The following TOX variants were observed in gnomAD, a reference collection of about 807,000 sequenced individuals.
TOX encodes the protein thymocyte selection associated high mobility group box.
Under a neutral mutation model 53.7 loss-of-function variants are expected in TOX, and 11 were observed. The ratio of observed to expected loss-of-function variants is 0.20; its 90% CI spans 0.13 to 0.34. The LOEUF (loss-of-function observed/expected upper bound fraction) is 0.34. Among genes scored for constraint, TOX ranks in the 10% least tolerant of loss-of-function variants. The pLI is 1.00. For synonymous variants in TOX, 225 were observed against 245.3 expected, an observed-to-expected ratio of 0.92 and a Z score of 0.77; for missense variants, 570 against 664.6, an observed-to-expected ratio of 0.86 and a Z score of 1.56.
At chr8:58,871,148 T>C (rs1223221177) in intron 3 of TOX, among the ~76,000 whole-genome samples, 1 of 135,232 alleles carries the variant, frequency 7.4e-6, no homozygotes, top group Non-Finnish European at 1.6e-5. Context: ...TTAAAATGCA[T>C]ACTGCTGATT....
chr8:59,038,886 C>T (rs973271398), intron 1 of TOX, among the ~76,000 whole-genome samples: 7 of 152,250 alleles, frequency 4.6e-5, no homozygotes, highest in African/African-American at 1.2e-4. Context: ...GCGTCCTGCT[C>T]TCCTGCAGCC....
chr8:58,974,079 T>A lies in TOX; in HGVS notation c.103-14071A>T, dbSNP rs867141794. On this transcript the variant is annotated intron_variant, in intron 1 of 8. Transcript: ENST00000361421. Reference sequence around the variant, plus strand: ...TCCCAAAGTGCTGTAATTACGAGTGTGAGCCACTGTGCCTCACCTGGAAGT... The same window carrying A: ...TCCCAAAGTGCTGTAATTACGAGTGAGAGCCACTGTGCCTCACCTGGAAGT... Among the ~76,000 whole-genome samples, 113 of 152,320 alleles carry A rather than the reference T, an allele frequency of 7.4e-4. No individual in the cohort carries two copies. The Middle Eastern group carries it at 0.01, about 14-fold the overall frequency.
chr8:59,012,211 A>T (rs1813919245), intron 1 of TOX, among the ~76,000 whole-genome samples: 2 of 152,168 alleles, frequency 1.3e-5, no homozygotes, highest in South Asian at 4.1e-4. Flanking sequence ...TCACCAATCT[A>T]ATATTTGGAG....
At chr8:59,019,003 G>A (rs538234505) in intron 1 of TOX, among the ~76,000 whole-genome samples, 5 of 152,154 alleles carry the variant, frequency 3.3e-5, no homozygotes, top group South Asian at 2.1e-4. Flanking sequence ...TGTAGCCTGG[G>A]TAATCACTAT....
chr8:58,972,725 A>G (rs1180437432), intron 1 of TOX, among the ~76,000 whole-genome samples: 1 of 152,192 alleles, frequency 6.6e-6, no homozygotes, highest in Non-Finnish European at 1.5e-5. Context: ...AAATTATGTA[A>G]TCTCTTCTGT....
intron 1 of TOX, among the ~76,000 whole-genome samples, chr8:58,963,306 GATAT>G (rs74274681): frequency 0.025 from 3,236 of 131,674 alleles, 64 homozygotes; most frequent in African/African-American, 0.064. Context: ...TAGATAGATA[GATAT>G]ATATATAGAT....
intron 1 of TOX, among the ~76,000 whole-genome samples, chr8:59,095,252 T>C (rs78947874): frequency 0.1 from 15,693 of 152,194 alleles, 1,320 homozygotes; most frequent in African/African-American, 0.23. Flanking sequence ...TGTTTTTTTT[T>C]TCCATAGGAA....
chr8:58,856,596 G>GT lies in TOX; in HGVS notation c.412-4792dup, dbSNP rs1011621586. Among the ~76,000 whole-genome samples the GT allele has an allele frequency of 6.8e-4, 103 of 152,218 alleles. 1 individual carries two copies. Among genetic ancestry groups the GT allele is most frequent in the African/African-American group, 2.4e-3 (100 of 41,540 alleles). On this transcript the variant is annotated intron_variant, in intron 3 of 8. Coordinates refer to ENST00000361421, the MANE Select transcript of TOX (RefSeq NM_014729.3). ...ACCCTCCTACACTCATTTTCCTTTT[G>GT]TGCTGAAAAATGGGCCCCTCTAGCT...
At chr8:58,955,220 C>T (rs72651329) in intron 2 of TOX, among the ~76,000 whole-genome samples, 4 of 151,780 alleles carry the variant, frequency 2.6e-5, no homozygotes, top group East Asian at 1.9e-4. Flanking sequence ...TGCTGGGGGT[C>T]GGGAGAGAGA....
chr8:59,047,374 G>A (rs1293601327), intron 1 of TOX, among the ~76,000 whole-genome samples: 2 of 151,232 alleles, frequency 1.3e-5, no homozygotes, highest in Non-Finnish European at 3.0e-5. Context: ...CCGCCACCAC[G>A]CCCAGCTAAT....
chr8:58,820,764 T>A (rs1452404150), intron 6 of TOX, among the ~76,000 whole-genome samples: 1 of 152,198 alleles, frequency 6.6e-6, no homozygotes, highest in Non-Finnish European at 1.5e-5. Flanking sequence ...GTTTCAAAAA[T>A]TTTTTGAACT....
chr8:59,025,702 C>G (rs1467118849), intron 1 of TOX, among the ~76,000 whole-genome samples: 1 of 152,150 alleles, frequency 6.6e-6, no homozygotes, highest in Non-Finnish European at 1.5e-5. Context: ...ACTCAGAGGT[C>G]ACCTTCTCAA....
intron 1 of TOX, among the ~76,000 whole-genome samples, chr8:59,054,914 GAGAAAGAAAGAAA>G (rs1803862220): frequency 1.8e-5 from 2 of 113,958 alleles, no homozygotes; most frequent in Admixed American, 1.3e-4. Context: ...AAGAAAGAAA[GAGAAAGAAAGAAA>G]GAAAAAGAAA....
intron 7 of TOX, among the ~76,000 whole-genome samples, chr8:58,811,179 T>C (rs1406732798): frequency 1.3e-5 from 2 of 152,200 alleles, no homozygotes; most frequent in African/African-American, 4.8e-5. Flanking sequence ...TCAGTAAATA[T>C]TGATTATTGG....
chr8:58,915,921 C>A (rs1407464778), intron 3 of TOX, among the ~76,000 whole-genome samples: 6 of 76,158 alleles, frequency 7.9e-5, no homozygotes, highest in African/African-American at 3.3e-4. Context: ...GCCTCAGGAG[C>A]CGATGCGATC....
At chr8:59,065,288 A>C (rs1804066890) in intron 1 of TOX, among the ~76,000 whole-genome samples, 1 of 152,242 alleles carries the variant, frequency 6.6e-6, no homozygotes, top group South Asian at 2.1e-4. Context: ...ACAGTAACTT[A>C]AAATGGGCAA....
At chr8:58,864,345 G>A (rs573366991) in intron 3 of TOX, among the ~76,000 whole-genome samples, 8 of 152,216 alleles carry the variant, frequency 5.3e-5, no homozygotes, top group African/African-American at 1.7e-4. Context: ...GTAGTTTCAA[G>A]ACTATATGTC....
rs1302668656 is a variant in TOX at position 58,807,177 on chromosome 8, ATCAG to A, written c.*566_*569del. On this transcript the variant is annotated 3_prime_UTR_variant, in exon 9 of 9. Coordinates refer to ENST00000361421, the MANE Select transcript of TOX (RefSeq NM_014729.3). Reference sequence around the variant, plus strand: ...TCAAATATTTTGAAAATATAGAACTATCAGTCAGTTGTTTTAAAAATGAAGTAAA... The same window carrying A: ...TCAAATATTTTGAAAATATAGAACTATCAGTTGTTTTAAAAATGAAGTAAA... 2.0e-5 allele frequency: 3 copies of A among 152,640 alleles called. No individual in the cohort carries two copies. Among genetic ancestry groups the A allele is most frequent in the African/African-American group, 4.8e-5 (2 of 41,474 alleles). 9.5% of individuals were successfully genotyped at this position (152,640 alleles called of 1,614,324 possible).
chr8:58,973,507 T>C (rs893117162), intron 1 of TOX, among the ~76,000 whole-genome samples: 2 of 152,216 alleles, frequency 1.3e-5, no homozygotes, highest in Non-Finnish European at 2.9e-5. Context: ...TAAAACTCCT[T>C]TTTATGTTTT....
Sources: gnomAD v4.1 joint callset for allele counts (sites outside exome capture counted in the v4.1 genomes callset) on GRCh38, gnomAD v4.1.1 for gene constraint, MANE v1.5 for transcripts, NCBI Gene and HGNC (gene_info 2026-07-23, HGNC 2026-07-21) for gene names.